MMP11: variants seen among roughly 807,000 people sequenced by gnomAD.
MMP11 encodes the protein stromelysin-3.
MMP11 carries 26 observed loss-of-function variants against 49.5 expected under a neutral mutation model. That is an observed-to-expected ratio of 0.52 (90% CI 0.38 to 0.73). The LOEUF (loss-of-function observed/expected upper bound fraction) is 0.73. Ranked by LOEUF, MMP11 falls within the 30% of genes least tolerant of loss-of-function variation. The probability of loss-of-function intolerance (pLI) is 0.00; values close to 1 mark genes in which losing one functional copy is unlikely to be tolerated. For synonymous variants in MMP11, 265 were observed against 282.3 expected (o/e 0.94, Z 0.62); for missense variants, 624 against 671.2 (o/e 0.93, Z 0.78).
At chr22:23,777,528 C>A (rs1257074945) in intron 1 of MMP11, 1 of 146,782 alleles carries the variant, frequency 6.8e-6, no homozygotes, top group Non-Finnish European at 1.5e-5. Context: ...GATCACACCA[C>A]TGCACTCCAG....
In MMP11 at chr22:23,780,529, G is replaced by A. The variant is rs370600313; in HGVS notation, c.482+27G>A. 31 of 1,612,926 alleles carry A rather than the reference G, an allele frequency of 1.9e-5. No homozygotes were observed. In the South Asian group the frequency reaches 3.0e-4, roughly 15 times the overall value. On this transcript the variant is annotated intron_variant, in intron 3 of 7. Coordinates refer to ENST00000215743, the MANE Select transcript of MMP11 (RefSeq NM_005940.5). This position sits in a 1 kb window ranked among gnomAD's most constrained non-coding sequence, Gnocchi z 4.6. ...TGAATGGGCGGCCTGGGACCCCTCC[G>A]GGAACAGCCTCGCCTGCCAGCAGCC...
At position 23,783,490 on chromosome 22, in the gene MMP11, T is replaced by TCTCGTG; in HGVS notation, c.1414_1419dup (p.Leu472_Val473dup). 6.2e-7 allele frequency: 1 copy of TCTCGTG among 1,614,194 alleles called. No individual in the cohort carries two copies. Among genetic ancestry groups the TCTCGTG allele is most frequent in the Non-Finnish European group, 8.5e-7 (1 of 1,180,026 alleles). ...TGAAGGCTCTGGAAGGCTTCCCCCG[T>TCTCGTG]CTCGTGGGTCCTGACTTCTTTGGCT... On this transcript the variant is annotated inframe_insertion, in exon 8 of 8. Coordinates refer to ENST00000215743, the MANE Select transcript of MMP11 (RefSeq NM_005940.5).
At chr22:23,773,608 G>C (rs998376703) in intron 1 of MMP11, among the ~76,000 whole-genome samples, 1 of 152,162 alleles carries the variant, frequency 6.6e-6, no homozygotes, top group African/African-American at 2.4e-5. Flanking sequence ...GGGAGAGAAA[G>C]GAAAGGGAGA....
Position 23,780,895 on chromosome 22 carries a change from G to T in MMP11, c.653G>T (p.Gly218Val), listed in dbSNP as rs1329331560. ...DLLQVAAHEFGHVLGLQHTTA... is the reference protein window; with the variant it reads ...DLLQVAAHEFVHVLGLQHTTA... ...CTGCAGGTGGCAGCCCATGAATTTG[G>T]CCACGTGCTGGGGCTGCAGCACACA... Residue 218 changes from glycine to valine, a missense_variant, in exon 5 of 8, where the codon GGC (glycine) becomes GTC (valine). Gly to Val is a moderately radical substitution (Grantham distance 109). Transcript: ENST00000215743. The surrounding 1 kb of genome is among the most constrained non-coding windows in gnomAD (Gnocchi z 4.6). 4 of 1,613,888 alleles carry T rather than the reference G, an allele frequency of 2.5e-6. No homozygotes were observed. In the South Asian group the frequency reaches 4.4e-5, roughly 18 times the overall value.
rs777979521 is a variant in MMP11, at chr22:23,780,366, C to T, written c.346C>T (p.Arg116Trp). 8.7e-6 allele frequency: 14 copies of T among 1,612,916 alleles called. No individual in the cohort carries two copies. Among genetic ancestry groups the T allele is most frequent in the East Asian group, 2.2e-5 (1 of 44,874 alleles). ...CCCTCCATCTCCCTCCAGGATCCTT[C>T]GGTTCCCATGGCAGTTGGTGCAGGA... is the stretch of plus-strand genomic sequence containing the variant. ...EKTDLTYRIL[R>W]FPWQLVQEQV... The change falls in exon 3 of 8, where the codon CGG becomes TGG. Residue 116 changes from arginine to tryptophan, a missense_variant. Coordinates refer to ENST00000215743, the MANE Select transcript of MMP11 (RefSeq NM_005940.5). This position sits in a 1 kb window ranked among gnomAD's most constrained non-coding sequence, Gnocchi z 4.6.
rs772756527 is a variant in MMP11 at position 23,780,591 on chromosome 22, T to C, written c.492T>C (p.His164=). ...CCCCACCCATCTGTAGGTACTGGCA[T>C]GGGGACGACCTGCCGTTTGATGGGC... The part of the protein sequence containing the change: ...DIMIDFARYW[H]GDDLPFDGPG... The change falls in exon 4 of 8, where the codon CAT becomes CAC. Residue 164 remains histidine, a synonymous_variant. Transcript: ENST00000215743. The surrounding 1 kb of genome is among the most constrained non-coding windows in gnomAD (Gnocchi z 4.6). 12 of 1,601,814 alleles carry C rather than the reference T, an allele frequency of 7.5e-6. No individual in the cohort carries two copies. Among genetic ancestry groups the C allele is most frequent in the East Asian group, 6.7e-5 (3 of 44,710 alleles).
Position 23,783,589 on chromosome 22 carries a change from C to T in MMP11, c.*45C>T, listed in dbSNP as rs749946344. ...AGGGGTGCTGACCCCTGCCAGGCCA[C>T]GAATATCAGGCTAGAGACCCATGGC... is the stretch of plus-strand genomic sequence containing the variant. On this transcript the variant is annotated 3_prime_UTR_variant, in exon 8 of 8. Coordinates refer to ENST00000215743, the MANE Select transcript of MMP11 (RefSeq NM_005940.5). The T allele has an allele frequency of 8.1e-6, 13 of 1,609,890 alleles. No homozygotes were observed. The highest frequency in any genetic ancestry group is 4.0e-5 in the African/African-American group (3 of 74,852).
intron 1 of MMP11, among the ~76,000 whole-genome samples, chr22:23,778,292 T>G (rs984930224): frequency 2.0e-5 from 3 of 152,242 alleles, no homozygotes; most frequent in African/African-American, 7.2e-5. Flanking sequence ...GCTTTTCTCA[T>G]GCACAAGAAC....
rs1391184697 is a variant in MMP11 at position 23,782,547 on chromosome 22, T to G, written c.1333+64T>G. On this transcript the variant is annotated intron_variant, in intron 7 of 7. Coordinates refer to ENST00000215743, the MANE Select transcript of MMP11 (RefSeq NM_005940.5). ...AGCAGCCGCTTCTCCCACCTGGTGG[T>G]GGCTGGGCTCCCACATGCCTGCCAC... 5.9e-6 allele frequency: 9 copies of G among 1,519,986 alleles called. No individual in the cohort carries two copies. The African/African-American group carries it at 1.2e-4, about 21-fold the overall frequency. The allele number at this position is 1,519,986 out of a possible 1,614,324, so 94.2% of individuals were successfully genotyped here. A position where few individuals can be genotyped will look rare whatever the true frequency, so the allele number is the denominator to read the frequency against.
chr22:23,773,003 G>A, intron 1 of MMP11, 25 bp downstream of exon 1: 1 of 1,172,006 alleles, frequency 8.5e-7, no homozygotes, highest in Non-Finnish European at 1.1e-6. Flanking sequence ...CTCGCCGGCC[G>A]CTCCTCGCTG....
chr22:23,780,673 C>T lies in MMP11; in HGVS notation c.574C>T (p.His192Tyr). The change falls in exon 4 of 8, where the codon CAC (histidine) becomes TAC (tyrosine). Residue 192 changes from histidine to tyrosine, a missense_variant. Physicochemically the swap from His to Tyr is moderately conservative, Grantham distance 83. Transcript: ENST00000215743. This position sits in a 1 kb window ranked among gnomAD's most constrained non-coding sequence, Gnocchi z 4.6. Reference sequence around the variant, plus strand: ...CAAGACTCACCGAGAAGGGGATGTCCACTTCGACTATGATGAGACCTGGAC... The same window carrying T: ...CAAGACTCACCGAGAAGGGGATGTCTACTTCGACTATGATGAGACCTGGAC... ...FPKTHREGDV[H>Y]FDYDETWTIG... 2 of 1,577,554 alleles carry T rather than the reference C, an allele frequency of 1.3e-6. No homozygotes were observed. The highest frequency in any genetic ancestry group is 1.2e-5 in the South Asian group (1 of 85,846).
intron 1 of MMP11, among the ~76,000 whole-genome samples, chr22:23,774,046 C>T (rs1361884284): frequency 3.3e-5 from 5 of 152,186 alleles, no homozygotes; most frequent in Non-Finnish European, 5.9e-5. Context: ...CCCAGCCCCT[C>T]TTGGTTCCTA....
Position 23,780,824 on chromosome 22 carries a change from G to A in MMP11, c.617-35G>A, listed in dbSNP as rs28363662. 1.6e-4 allele frequency: 254 copies of A among 1,596,856 alleles called. 1 individual carries two copies. The African/African-American group carries it at 2.0e-3, about 13-fold the overall frequency. On this transcript the variant is annotated intron_variant, in intron 4 of 7. Transcript: ENST00000215743. The surrounding 1 kb of genome is among the most constrained non-coding windows in gnomAD (Gnocchi z 4.6). ...CTGGAGCTGGATGTCCTGGGCAGGA[G>A]GTTCGGGGGTTGCTGAGCCACCTCC...
Position 23,783,642 on chromosome 22 carries a change from TG to T in MMP11, c.*101del, listed in dbSNP as rs1927730168. The T allele has an allele frequency of 6.6e-7, 1 of 1,520,010 alleles. No homozygotes were observed. The highest frequency in any genetic ancestry group is 2.3e-5 in the East Asian group (1 of 44,164). 94.2% of individuals were successfully genotyped at this position (1,520,010 alleles called of 1,614,324 possible). A position where few individuals can be genotyped will look rare whatever the true frequency, so the allele number is the denominator to read the frequency against. On this transcript the variant is annotated 3_prime_UTR_variant, in exon 8 of 8. Coordinates refer to ENST00000215743, the MANE Select transcript of MMP11 (RefSeq NM_005940.5). ...TCTTTGTGGCTGTGGGCACCAGGCA[TG>T]GGACTGAGCCCATGTCTCCTCAGGG... is the stretch of plus-strand genomic sequence containing the variant.
intron 1 of MMP11, 105 bp from the exon 2 acceptor site, chr22:23,779,082 C>T: frequency 1.1e-6 from 1 of 894,176 alleles, no homozygotes; most frequent in South Asian, 1.7e-5. Flanking sequence ...CCCAGCCACA[C>T]AGTGGGCTGG....
chr22:23,782,604 G>A, intron 7 of MMP11, 121 bp downstream of exon 7: 1 of 1,266,978 alleles, frequency 7.9e-7, no homozygotes, highest in Non-Finnish European at 1.1e-6. Context: ...CAGGTCCTTT[G>A]TCCAGAGCCA....
chr22:23,779,370 T>A lies in MMP11; in HGVS notation c.292T>A (p.Phe98Ile). ...GLSARNRQKR[F>I]VLSGGRWEKT... is the part of the protein sequence containing the mutation. ...GAGTGCCCGCAACCGACAGAAGAGG[T>A]TCGTGCTTTCTGGCGGGCGCTGGGA... The change falls in exon 2 of 8, where the codon TTC (phenylalanine) becomes ATC (isoleucine). Residue 98 changes from phenylalanine (F) to isoleucine (I), a missense_variant. Coordinates refer to ENST00000215743, the MANE Select transcript of MMP11 (RefSeq NM_005940.5). 6.2e-7 allele frequency: 1 copy of A among 1,612,948 alleles called. No individual in the cohort carries two copies. Among genetic ancestry groups the A allele is most frequent in the Non-Finnish European group, 8.5e-7 (1 of 1,179,858 alleles).
rs986043355 is a variant in MMP11, at chr22:23,778,524, C to T, written c.109-663C>T. 4.6e-5 allele frequency among the ~76,000 whole-genome samples: 7 copies of T among 152,192 alleles called. No individual in the cohort carries two copies. In the East Asian group the frequency reaches 1.3e-3, roughly 29 times the overall value. On this transcript the variant is annotated intron_variant, in intron 1 of 7. Transcript: ENST00000215743. ...AAAACCACCTCTGCTAGAAGCCAGG[C>T]CTCAGTGGCCAGGTGCCTTCCCGGG...
At chr22:23,776,168 C>G (rs1295894589) in intron 1 of MMP11, among the ~76,000 whole-genome samples, 2 of 152,192 alleles carry the variant, frequency 1.3e-5, no homozygotes, top group African/African-American at 4.8e-5. Flanking sequence ...GCTCTCCCTC[C>G]ATGACTGTCT....
Sources: gnomAD v4.1 joint callset for allele counts (sites outside exome capture counted in the v4.1 genomes callset) on GRCh38, gnomAD v4.1.1 for gene constraint, Gnocchi (gnomAD v3.1) non-coding constraint, MANE v1.5 for transcripts, NCBI Gene and HGNC (gene_info 2026-07-23, HGNC 2026-07-21) for gene names.